The following TTLL11 variants were observed in gnomAD, a reference collection of about 807,000 sequenced individuals.
TTLL11 encodes the protein tubulin polyglutamylase TTLL11.
In TTLL11, 42 loss-of-function variants were observed where a neutral mutation model predicts 51.7. The ratio of observed to expected loss-of-function variants is 0.81; its 90% confidence interval spans 0.64 to 1.05. The LOEUF (loss-of-function observed/expected upper bound fraction) is 1.05, where lower values mean the gene tolerates loss of function less well. Ranked by LOEUF, TTLL11 falls within the 50% of genes least tolerant of loss-of-function variation. The pLI is 0.00. For missense variants in TTLL11, 799 were observed against 940.4 expected (o/e 0.85, Z 1.97); for synonymous variants, 381 against 383.5 (o/e 0.99, Z 0.08).
At chr9:121,826,217 T>TATATATATAA in intron 8 of TTLL11, among the ~76,000 whole-genome samples, 2 of 58,100 alleles carry the variant, frequency 3.4e-5, no homozygotes, top group South Asian at 7.8e-4. Context: ...TATATATATA[T>TATATATATAA]GCACACATAT....
At chr9:121,855,077 G>A (rs1315842392) in intron 8 of TTLL11, among the ~76,000 whole-genome samples, 1 of 152,090 alleles carries the variant, frequency 6.6e-6, no homozygotes, top group Non-Finnish European at 1.5e-5. Flanking sequence ...TGCAGACGGG[G>A]GGTTCCTTAG....
intron 7 of TTLL11, among the ~76,000 whole-genome samples, chr9:121,861,325 C>T (rs1838002505): frequency 1.3e-5 from 2 of 152,212 alleles, no homozygotes; most frequent in Admixed American, 6.5e-5. Context: ...GATCCGCCCG[C>T]CTCGGCCTCC....
chr9:121,935,322 A>G (rs1841160976), intron 6 of TTLL11, among the ~76,000 whole-genome samples: 1 of 152,176 alleles, frequency 6.6e-6, no homozygotes, highest in Non-Finnish European at 1.5e-5. Context: ...GCATCACTGC[A>G]AAAGTCAATA....
chr9:121,877,173 A>C (rs1164863502), intron 6 of TTLL11, among the ~76,000 whole-genome samples: 1 of 152,238 alleles, frequency 6.6e-6, no homozygotes. Flanking sequence ...CCCCTCAGTC[A>C]CTAGCGGATT....
chr9:121,983,675 T>C (rs1387597738), intron 4 of TTLL11, among the ~76,000 whole-genome samples: 1 of 152,130 alleles, frequency 6.6e-6, no homozygotes, highest in Non-Finnish European at 1.5e-5. Flanking sequence ...CTGGGAAGCC[T>C]TCCCTGACAG....
In TTLL11 at chr9:121,921,195, C is replaced by T. The variant is rs115867328; in HGVS notation, c.1482-50447G>A. Among the ~76,000 whole-genome samples the T allele has an allele frequency of 3.4e-3, 515 of 152,302 alleles. 4 individuals carry two copies. The highest frequency in any genetic ancestry group is 0.012 in the African/African-American group (500 of 41,546). ...ACGTCCGTCAGATCACACATCTGTC[C>T]TTCAGGGAATTGAGTCTAATTCACT... is the stretch of plus-strand genomic sequence containing the variant. On this transcript the variant is annotated intron_variant, in intron 6 of 8. Transcript: ENST00000321582.
At chr9:121,913,725 C>T (rs1286095737) in intron 6 of TTLL11, among the ~76,000 whole-genome samples, 2 of 152,176 alleles carry the variant, frequency 1.3e-5, no homozygotes, top group Non-Finnish European at 2.9e-5. Flanking sequence ...ATAAGGAAGA[C>T]CAGGGACATT....
At chr9:121,873,861 C>CA (rs1838461905) in intron 6 of TTLL11, among the ~76,000 whole-genome samples, 1 of 105,422 alleles carries the variant, frequency 9.5e-6, no homozygotes, top group Non-Finnish European at 1.8e-5. Context: ...TTTTGAGAGA[C>CA]AGAGTCTTGC....
chr9:122,010,434 G>A (rs1843763000), intron 3 of TTLL11, among the ~76,000 whole-genome samples: 1 of 152,226 alleles, frequency 6.6e-6, no homozygotes, highest in African/African-American at 2.4e-5. Flanking sequence ...GTATACCAGT[G>A]CCTGTTTTGT....
chr9:121,985,809 C>T (rs527880139), intron 4 of TTLL11, among the ~76,000 whole-genome samples: 2 of 152,118 alleles, frequency 1.3e-5, no homozygotes, highest in African/African-American at 2.4e-5. Context: ...CGTGAGCCAC[C>T]GCGCCCGGCC....
At chr9:121,965,965 AT>A (rs1382888101) in intron 6 of TTLL11, among the ~76,000 whole-genome samples, 1 of 152,208 alleles carries the variant, frequency 6.6e-6, no homozygotes, top group Non-Finnish European at 1.5e-5. Flanking sequence ...TTTATTCTAG[AT>A]TCTACATAGA....
In TTLL11 at chr9:122,092,894, C is replaced by A; in HGVS notation, c.255G>T (p.Pro85=). ...EGNTQVLQRP[P]PTLPPSKPKP... ...TCGGCTTGGACGGGGGCAGCGTGGG[C>A]GGCGGCCGCTGAAGGACCTGGGTGT... is the stretch of plus-strand genomic sequence containing the variant. Residue 85 remains proline (P), a synonymous_variant, in exon 1 of 9, where the codon CCG becomes CCT. Transcript: ENST00000321582. 1 of 1,568,046 alleles carries A rather than the reference C, an allele frequency of 6.4e-7. No homozygotes were observed. Among genetic ancestry groups the A allele is most frequent in the Non-Finnish European group, 8.6e-7 (1 of 1,165,332 alleles).
At position 121,840,028 on chromosome 9, in the gene TTLL11, G is replaced by A. The variant is rs141319864; in HGVS notation, c.1841-17149C>T. Among the ~76,000 whole-genome samples the A allele has an allele frequency of 4.6e-5, 7 of 152,320 alleles. No individual in the cohort carries two copies. In the East Asian group the frequency reaches 5.8e-4, roughly 13 times the overall value. On this transcript the variant is annotated intron_variant, in intron 8 of 8. Coordinates refer to ENST00000321582, the MANE Select transcript of TTLL11 (RefSeq NM_001139442.2). ...AGAGAAGAGAAATGCTCTTTTATGC[G>A]GGAGTTTATTTTTGTCACTTTGTCA...
chr9:122,058,505 T>A (rs1476827969), intron 1 of TTLL11, among the ~76,000 whole-genome samples: 1 of 152,094 alleles, frequency 6.6e-6, no homozygotes, highest in Non-Finnish European at 1.5e-5. Context: ...ATGACTACAG[T>A]GGGGTCTAAT....
At chr9:122,030,776 CA>C (rs35456581) in intron 3 of TTLL11, among the ~76,000 whole-genome samples, 1,533 of 69,332 alleles carry the variant, frequency 0.022, 32 homozygotes, top group African/African-American at 0.057. Flanking sequence ...ACAAAAAATA[CA>C]AAAAAAAAAA....
At chr9:121,907,332 C>T (rs1839981518) in intron 6 of TTLL11, among the ~76,000 whole-genome samples, 1 of 151,938 alleles carries the variant, frequency 6.6e-6, no homozygotes, top group Non-Finnish European at 1.5e-5. Context: ...TGCCTGTAAT[C>T]TCAGCTACTT....
rs1836499552 is a variant in TTLL11 at position 121,819,213 on chromosome 9, G to A, written c.*3374C>T. 6.6e-6 allele frequency: 1 copy of A among 152,336 alleles called. No homozygotes were observed. Among genetic ancestry groups the A allele is most frequent in the South Asian group, 2.1e-4 (1 of 4,836 alleles). The allele number at this position is 152,336 out of a possible 1,614,324, so 9.4% of individuals were successfully genotyped here. A position where few individuals can be genotyped will look rare whatever the true frequency, so the allele number is the denominator to read the frequency against. On this transcript the variant is annotated 3_prime_UTR_variant, in exon 9 of 9. Coordinates refer to ENST00000321582, the MANE Select transcript of TTLL11 (RefSeq NM_001139442.2). ...TTTATAAGTATAAGCACCTATTGCA[G>A]GCTCCATTTTGGCCAGGCCGTGAGG...
intron 7 of TTLL11, among the ~76,000 whole-genome samples, chr9:121,867,491 G>A (rs950339008): frequency 5.3e-5 from 8 of 152,086 alleles, no homozygotes; most frequent in African/African-American, 1.9e-4. Context: ...CCCCTCTCTC[G>A]AATCTGCCCC....
chr9:122,089,219 T>A (rs1935755841), intron 1 of TTLL11, among the ~76,000 whole-genome samples: 1 of 152,000 alleles, frequency 6.6e-6, no homozygotes, highest in Admixed American at 6.6e-5. Flanking sequence ...GGGCTACTCA[T>A]CCACTCCCAC....
Sources: allele counts gnomAD v4.1 joint callset (sites outside exome capture counted in the v4.1 genomes callset), GRCh38; gene constraint gnomAD v4.1.1; transcripts MANE v1.5; gene names NCBI Gene and HGNC (gene_info 2026-07-23, HGNC 2026-07-21).